Variants in TMCC1 observed in about 807,000 individuals in gnomAD.
The protein encoded by TMCC1 is transmembrane and coiled-coil domain family 1, also known as transmembrane and coiled-coil domains protein 1.
TMCC1 carries 15 observed loss-of-function variants against 52.4 expected under a neutral mutation model. The observed-to-expected ratio is 0.29, with a 90% CI of 0.19 to 0.44. TMCC1 has a LOEUF of 0.44. Ranked by LOEUF, TMCC1 falls within the 20% of genes least tolerant of loss-of-function variation. The pLI, the probability that TMCC1 is intolerant of heterozygous loss-of-function variation, is 1.00. For missense variants in TMCC1, 503 were observed against 806.0 expected, an observed-to-expected ratio of 0.62 and a Z score of 4.55; for synonymous variants, 279 against 301.9, an observed-to-expected ratio of 0.92 and a Z score of 0.79.
In TMCC1 at chr3:129,707,890, C is replaced by A. The variant is rs1560234491; in HGVS notation, c.577-36626G>T. 3.3e-5 allele frequency among the ~76,000 whole-genome samples: 5 copies of A among 151,924 alleles called. No individual in the cohort carries two copies. The South Asian group carries it at 1.0e-3, about 32-fold the overall frequency. ...GAGGTTGCAGCGAGCCGAGATCACA[C>A]CACTGCACTCCAGCCTGGCGACAGA... is the stretch of plus-strand genomic sequence containing the variant. On this transcript the variant is annotated intron_variant, in intron 4 of 6. Transcript: ENST00000393238.
rs115921068 is a variant in TMCC1 at position 129,758,204 on chromosome 3, A to C, written c.576+69599T>G. Among the ~76,000 whole-genome samples, 270 of 152,336 alleles carry C rather than the reference A, an allele frequency of 1.8e-3. 2 individuals carry two copies. Among genetic ancestry groups the C allele is most frequent in the African/African-American group, 6.1e-3 (255 of 41,584 alleles). On this transcript the variant is annotated intron_variant, in intron 4 of 6. Coordinates refer to ENST00000393238, the MANE Select transcript of TMCC1 (RefSeq NM_001017395.5). ...CTGTGGATAAACAATAAGTAAATGG[A>C]TGATGGGTGGTGGATCAGATGTCTT... is the stretch of plus-strand genomic sequence containing the variant.
intron 3 of TMCC1, among the ~76,000 whole-genome samples, chr3:129,830,160 T>C (rs1002345763): frequency 6.6e-6 from 1 of 152,226 alleles, no homozygotes; most frequent in Admixed American, 6.5e-5. Context: ...CATCCCACTA[T>C]GGCCTGTTAC....
rs906402354 is a variant in TMCC1 at position 129,828,516 on chromosome 3, TAAAAACAA to T, written c.-130-16_-130-9del. 134 of 754,966 alleles carry T rather than the reference TAAAAACAA, an allele frequency of 1.8e-4. No homozygotes were observed. Among genetic ancestry groups the T allele is most frequent in the African/African-American group, 5.5e-4 (31 of 56,534 alleles). The allele number at this position is 754,966 out of a possible 1,614,324, so 46.8% of individuals were successfully genotyped here. A position where few individuals can be genotyped will look rare whatever the true frequency, so the allele number is the denominator to read the frequency against. On this transcript the variant is annotated splice_polypyrimidine_tract_variant and intron_variant, in intron 3 of 6. Transcript: ENST00000393238. The surrounding 1 kb of genome is among the most constrained non-coding windows in gnomAD (Gnocchi z 4.1). ...CGAAGGCTTCATGCCTATCTAATGT[TAAAAACAA>T]AAAAACAAAAAAACAAAAAAAAAAC... is the stretch of plus-strand genomic sequence containing the variant.
intron 4 of TMCC1, chr3:129,794,337 C>G: frequency 2.2e-6 from 1 of 456,278 alleles, no homozygotes; most frequent in Middle Eastern, 3.3e-4. Flanking sequence ...GGATAGCTGC[C>G]TCCTGAGGCT....
At chr3:129,831,936 C>T (rs908885881) in intron 3 of TMCC1, among the ~76,000 whole-genome samples, 3 of 152,132 alleles carry the variant, frequency 2.0e-5, no homozygotes, top group African/African-American at 7.2e-5. Flanking sequence ...CTCACTGCAA[C>T]CTCTGCCTTC....
rs541553040 is a variant in TMCC1, at chr3:129,888,242, G to A, written c.-435+5252C>T. On this transcript the variant is annotated intron_variant, in intron 1 of 6. Transcript: ENST00000393238. Reference sequence around the variant, plus strand: ...AAGGTAAGGTTAGAATGATACATGTGGTAATGAATTAGAGTTGGAGACATC... The same window carrying A: ...AAGGTAAGGTTAGAATGATACATGTAGTAATGAATTAGAGTTGGAGACATC... Among the ~76,000 whole-genome samples, 10 of 152,280 alleles carry A rather than the reference G, an allele frequency of 6.6e-5. 1 individual carries two copies. The highest frequency in any genetic ancestry group is 2.4e-4 in the African/African-American group (10 of 41,558).
intron 4 of TMCC1, among the ~76,000 whole-genome samples, chr3:129,697,580 C>T (rs2047507781): frequency 6.6e-6 from 1 of 152,204 alleles, no homozygotes; most frequent in South Asian, 2.1e-4. Context: ...CAGCAGGCTT[C>T]AATTTCTCAG....
intron 1 of TMCC1, among the ~76,000 whole-genome samples, chr3:129,886,482 T>C (rs548921788): frequency 2.4e-4 from 37 of 152,216 alleles, no homozygotes; most frequent in Admixed American, 5.2e-4. Context: ...TTATTCATAA[T>C]AGCAAAAAAG....
chr3:129,740,804 CTTCT>C (rs1490973397), intron 4 of TMCC1, among the ~76,000 whole-genome samples: 8 of 152,184 alleles, frequency 5.3e-5, no homozygotes, highest in African/African-American at 1.2e-4. Context: ...CCTCACTGGT[CTTCT>C]TTCTTTGACT....
In TMCC1 at chr3:129,736,884, G is replaced by GA. The variant is rs1312153608; in HGVS notation, c.577-65621dup. 7.9e-5 allele frequency among the ~76,000 whole-genome samples: 12 copies of GA among 150,980 alleles called. No individual in the cohort carries two copies. In the East Asian group the frequency reaches 1.4e-3, roughly 17 times the overall value. ...ATTATAAAAAATTTCAAATATACTGGAAAAAAAACCAGAAAAGATGTTATA... is the reference window on the plus strand; with the variant it reads ...ATTATAAAAAATTTCAAATATACTGGAAAAAAAAACCAGAAAAGATGTTATA... On this transcript the variant is annotated intron_variant, in intron 4 of 6. Coordinates refer to ENST00000393238, the MANE Select transcript of TMCC1 (RefSeq NM_001017395.5).
At position 129,731,838 on chromosome 3, in the gene TMCC1, T is replaced by C. The variant is rs192273537; in HGVS notation, c.577-60574A>G. On this transcript the variant is annotated intron_variant, in intron 4 of 6. Coordinates refer to ENST00000393238, the MANE Select transcript of TMCC1 (RefSeq NM_001017395.5). ...CAGGGTTTTGCCATGCTGCCCAGGC[T>C]GGTCTTGAACTCCTGAGCTTAAACG... Among the ~76,000 whole-genome samples the C allele has an allele frequency of 1.1e-4, 17 of 152,166 alleles. No homozygotes were observed. In the East Asian group the frequency reaches 3.3e-3, roughly 29 times the overall value.
intron 4 of TMCC1, among the ~76,000 whole-genome samples, chr3:129,781,625 GAATAAAATGAGT>G (rs1323244115): frequency 6.6e-6 from 1 of 152,134 alleles, no homozygotes; most frequent in Non-Finnish European, 1.5e-5. Flanking sequence ...AGTGTGGCTA[GAATAAAATGAGT>G]AAAGAGAAAA....
intron 2 of TMCC1, among the ~76,000 whole-genome samples, chr3:129,878,342 C>A (rs2061319206): frequency 6.6e-6 from 1 of 152,184 alleles, no homozygotes; most frequent in Admixed American, 6.5e-5. Context: ...AAACTTGTTT[C>A]TCTTTCTTTC....
At chr3:129,768,368 T>C (rs1178523964) in intron 4 of TMCC1, among the ~76,000 whole-genome samples, 1 of 152,182 alleles carries the variant, frequency 6.6e-6, no homozygotes, top group Non-Finnish European at 1.5e-5. Flanking sequence ...TAAATGCCCA[T>C]ATATTTAGAA....
At chr3:129,745,789 C>G (rs933642739) in intron 4 of TMCC1, among the ~76,000 whole-genome samples, 1 of 151,922 alleles carries the variant, frequency 6.6e-6, no homozygotes, top group African/African-American at 2.4e-5. Flanking sequence ...TGGTAAAACC[C>G]CGTCTCTACT....
intron 4 of TMCC1, among the ~76,000 whole-genome samples, chr3:129,675,813 G>A (rs547426027): frequency 1.0e-3 from 159 of 152,068 alleles, no homozygotes; most frequent in African/African-American, 3.4e-3. Flanking sequence ...CGAGGCAGGC[G>A]GATCACGAGG....
intron 4 of TMCC1, among the ~76,000 whole-genome samples, chr3:129,771,474 G>A (rs2054568172): frequency 6.6e-6 from 1 of 152,010 alleles, no homozygotes; most frequent in African/African-American, 2.4e-5. Flanking sequence ...CACAGACACA[G>A]TTTAGAAAGA....
intron 4 of TMCC1, among the ~76,000 whole-genome samples, chr3:129,730,938 C>A (rs529909076): frequency 7.4e-4 from 113 of 152,306 alleles, no homozygotes; most frequent in African/African-American, 2.6e-3. Context: ...TTCTACCAAA[C>A]ATTCATTACA....
At chr3:129,806,792 AC>A (rs2057490854) in intron 4 of TMCC1, among the ~76,000 whole-genome samples, 1 of 152,096 alleles carries the variant, frequency 6.6e-6, no homozygotes, top group African/African-American at 2.4e-5. Flanking sequence ...AAAAAGAAGC[AC>A]TCAGGAAATT....
Sources: gnomAD v4.1 joint callset for allele counts (sites outside exome capture counted in the v4.1 genomes callset) on GRCh38, gnomAD v4.1.1 for gene constraint, Gnocchi (gnomAD v3.1) non-coding constraint, MANE v1.5 for transcripts, NCBI Gene and HGNC (gene_info 2026-07-23, HGNC 2026-07-21) for gene names.